The following PTGES3 variants were observed in gnomAD, a reference collection of about 807,000 sequenced individuals.
PTGES3 encodes the protein Hsp90 co-chaperone.
A neutral mutation model predicts 29.9 loss-of-function variants in PTGES3; 5 were observed. The observed-to-expected ratio is 0.17, with a 90% CI of 0.09 to 0.35. The LOEUF (loss-of-function observed/expected upper bound fraction) is 0.35. Among genes scored for constraint, PTGES3 ranks in the 10% least tolerant of loss-of-function variants. The pLI is 1.00. For missense variants in PTGES3, 128 were observed against 190.0 expected (o/e 0.67, Z 1.92); for synonymous variants, 49 against 57.8 (o/e 0.85, Z 0.69).
Position 56,670,309 on chromosome 12 carries a change from T to C in PTGES3, c.341A>G (p.Asp114Gly), listed in dbSNP as rs1285160594. 1.2e-5 allele frequency: 20 copies of C among 1,613,558 alleles called. No individual in the cohort carries two copies. The highest frequency in any genetic ancestry group is 1.6e-5 in the Non-Finnish European group (19 of 1,179,634). ...NNWKDWEDDSDEDMSNFDRFS... is the reference protein window; with the variant it reads ...NNWKDWEDDSGEDMSNFDRFS... ...ACGATCAAAATTAGACATGTCTTCATCTGAATCATCTTCCCAGTCTTTCCA... is the reference window on the plus strand; with the variant it reads ...ACGATCAAAATTAGACATGTCTTCACCTGAATCATCTTCCCAGTCTTTCCA... The change falls in exon 5 of 8, where the codon GAT becomes GGT. Residue 114 changes from aspartate (D) to glycine (G), a missense_variant. Coordinates refer to ENST00000262033, the MANE Select transcript of PTGES3 (RefSeq NM_006601.7).
intron 1 of PTGES3, among the ~76,000 whole-genome samples, chr12:56,684,023 G>C (rs567029144): frequency 6.6e-6 from 1 of 150,514 alleles, no homozygotes; most frequent in African/African-American, 2.4e-5. Context: ...GATCCACACA[G>C]TAAATAGTAA....
At chr12:56,686,586 A>C (rs1380156421) in intron 1 of PTGES3, among the ~76,000 whole-genome samples, 1 of 152,036 alleles carries the variant, frequency 6.6e-6, no homozygotes, top group African/African-American at 2.4e-5. Context: ...CATGTTGGTC[A>C]GTCTGGTCTC....
chr12:56,679,902 T>C (rs1322529258), intron 1 of PTGES3, among the ~76,000 whole-genome samples: 1 of 152,086 alleles, frequency 6.6e-6, no homozygotes, highest in African/African-American at 2.4e-5. Flanking sequence ...CTTTAACTCC[T>C]GACCTCAAGT....
intron 1 of PTGES3, among the ~76,000 whole-genome samples, chr12:56,674,407 G>A (rs1355027805): frequency 6.6e-6 from 1 of 152,122 alleles, no homozygotes; most frequent in African/African-American, 2.4e-5. Context: ...GAAAGCCTTA[G>A]CAGGCCAGGC....
At chr12:56,673,651 G>A (rs1018333677) in intron 1 of PTGES3, among the ~76,000 whole-genome samples, 4 of 151,820 alleles carry the variant, frequency 2.6e-5, no homozygotes, top group Non-Finnish European at 5.9e-5. Context: ...AAATTAGCCA[G>A]GCACAGTGGC....
chr12:56,679,619 T>TA (rs1369228111), intron 1 of PTGES3, among the ~76,000 whole-genome samples: 1 of 152,078 alleles, frequency 6.6e-6, no homozygotes, highest in African/African-American at 2.4e-5. Context: ...CCAGTATAAT[T>TA]AGTTTAGAAG....
chr12:56,675,583 T>C (rs1952202788), intron 1 of PTGES3, among the ~76,000 whole-genome samples: 1 of 148,362 alleles, frequency 6.7e-6, no homozygotes, highest in Admixed American at 6.7e-5. Flanking sequence ...CAAAGCTGAA[T>C]ATTTACTGGC....
At chr12:56,664,573 G>A in intron 7 of PTGES3, 75 bp from the exon 8 acceptor site, 1 of 1,506,146 alleles carries the variant, frequency 6.6e-7, no homozygotes, top group Non-Finnish European at 9.0e-7. Context: ...TAAAGGAAAA[G>A]CAACCAAAAA....
intron 1 of PTGES3, chr12:56,687,357 A>C (rs1313147746): frequency 1.0e-6 from 1 of 987,898 alleles, no homozygotes. Context: ...GAAGCGGCTG[A>C]GTTTTGGCAA....
chr12:56,673,075 G>A lies in PTGES3; in HGVS notation c.3-10C>T, dbSNP rs540517917. The A allele has an allele frequency of 1.3e-6, 2 of 1,565,848 alleles. No homozygotes were observed. The highest frequency in any genetic ancestry group is 1.7e-6 in the Non-Finnish European group (2 of 1,151,914). ...TGCAGAAGCAGGCTGCCTACAAAAGGATAAAGTAGGGAAAGTCAAGCTGGA... is the reference window on the plus strand; with the variant it reads ...TGCAGAAGCAGGCTGCCTACAAAAGAATAAAGTAGGGAAAGTCAAGCTGGA... On this transcript the variant is annotated splice_polypyrimidine_tract_variant and intron_variant, in intron 1 of 7. Coordinates refer to ENST00000262033, the MANE Select transcript of PTGES3 (RefSeq NM_006601.7).
chr12:56,683,980 AC>A (rs200645922), intron 1 of PTGES3, among the ~76,000 whole-genome samples: 1,553 of 151,536 alleles, frequency 0.01, 32 homozygotes, highest in African/African-American at 0.034. Flanking sequence ...AACAAAAAAA[AC>A]AAACAAAAAA....
In PTGES3 at chr12:56,672,755, G is replaced by C; in HGVS notation, c.171C>G (p.His57Gln). ...FKHLNEIDLF[H>Q]CIDPNDSKHK... ...GACTACTTACATTTGGATCAATACA[G>C]TGAAAAAGATCAATTTCATTTAAAT... Residue 57 changes from histidine (H) to glutamine (Q), a missense_variant, in exon 3 of 8, where the codon CAC becomes CAG. His to Gln is a conservative substitution (Grantham distance 24). Transcript: ENST00000262033. 1 of 1,587,482 alleles carries C rather than the reference G, an allele frequency of 6.3e-7. No homozygotes were observed. Among genetic ancestry groups the C allele is most frequent in the South Asian group, 1.2e-5 (1 of 86,620 alleles).
At chr12:56,665,237 GAA>G in intron 6 of PTGES3, 1 of 973,922 alleles carries the variant, frequency 1.0e-6, no homozygotes, top group Non-Finnish European at 1.2e-6. Flanking sequence ...AAGATGTTGA[GAA>G]AAGTAGTTTA....
intron 1 of PTGES3, among the ~76,000 whole-genome samples, chr12:56,685,708 G>C (rs928687754): frequency 2.0e-5 from 3 of 147,198 alleles, no homozygotes; most frequent in Non-Finnish European, 4.5e-5. Context: ...CATGAAAGTA[G>C]CATTTTTATT....
chr12:56,675,061 GGAGGCA>G (rs1952175882), intron 1 of PTGES3, among the ~76,000 whole-genome samples: 1 of 148,192 alleles, frequency 6.7e-6, no homozygotes, highest in Admixed American at 6.9e-5. Flanking sequence ...CAGCACTTTG[GGAGGCA>G]GAGGCAGGCG....
At chr12:56,666,984 A>G (rs998781097) in intron 5 of PTGES3, among the ~76,000 whole-genome samples, 1 of 151,870 alleles carries the variant, frequency 6.6e-6, no homozygotes, top group Non-Finnish European at 1.5e-5. Flanking sequence ...CAGCAGCACA[A>G]TCTCGGCTCA....
chr12:56,672,954 G>C lies in PTGES3; in HGVS notation c.114C>G (p.Phe38Leu). The change falls in exon 2 of 8, where the codon TTC becomes TTG. Residue 38 changes from phenylalanine (F) to leucine (L), a missense_variant and splice_region_variant. Physicochemically the swap from Phe to Leu is conservative, Grantham distance 22. Coordinates refer to ENST00000262033, the MANE Select transcript of PTGES3 (RefSeq NM_006601.7). The stretch of plus-strand genomic sequence containing the variant: ...ATTGGATAAAAAGCTTAACTTACCT[G>C]AATGTAAGTTTGGATTTTTCAAAAT... ...NVNFEKSKLT[F>L]SCLGGSDNFK... is the part of the protein sequence containing the mutation. The C allele has an allele frequency of 6.3e-7, 1 of 1,595,900 alleles. No homozygotes were observed. Among genetic ancestry groups the C allele is most frequent in the Non-Finnish European group, 8.5e-7 (1 of 1,171,690 alleles).
At chr12:56,670,224 G>A in intron 5 of PTGES3, 51 bp downstream of exon 5, 1 of 1,219,984 alleles carries the variant, frequency 8.2e-7, no homozygotes, top group Non-Finnish European at 1.2e-6. Flanking sequence ...TGACTACATA[G>A]ACAGGTACCG....
chr12:56,665,635 TA>T, intron 6 of PTGES3: 1 of 985,250 alleles, frequency 1.0e-6, no homozygotes, highest in Non-Finnish European at 1.2e-6. Context: ...ATCATACCTA[TA>T]AACTGACTCT....
Sources: gnomAD v4.1 joint callset for allele counts (sites outside exome capture counted in the v4.1 genomes callset) on GRCh38, gnomAD v4.1.1 for gene constraint, MANE v1.5 for transcripts, NCBI Gene and HGNC (gene_info 2026-07-23, HGNC 2026-07-21) for gene names.